The following VPS4B variants were observed in gnomAD, a reference collection of about 807,000 sequenced individuals.
VPS4B encodes vacuolar protein sorting 4 homolog B, also known as vacuolar protein sorting-associated protein 4B.
Under a neutral mutation model 56.1 loss-of-function variants are expected in VPS4B, and 23 were observed. The observed-to-expected ratio is 0.41, with a 90% CI of 0.30 to 0.58. The LOEUF (loss-of-function observed/expected upper bound fraction) is 0.58. Ranked by LOEUF, VPS4B falls within the 20% of genes least tolerant of loss-of-function variation. The pLI, the probability that VPS4B is intolerant of heterozygous loss-of-function variation, is 0.29. For synonymous variants in VPS4B, 177 were observed against 186.0 expected, an observed-to-expected ratio of 0.95 and a Z score of 0.39; for missense variants, 372 against 531.9, an observed-to-expected ratio of 0.70 and a Z score of 2.96.
intron 9 of VPS4B, among the ~76,000 whole-genome samples, chr18:63,393,961 T>C (rs1251770439): frequency 6.6e-6 from 1 of 152,066 alleles, no homozygotes; most frequent in Non-Finnish European, 1.5e-5. Flanking sequence ...ATGGTCTTGA[T>C]CTCCTGACCT....
At chr18:63,394,039 T>G (rs1915615492) in intron 9 of VPS4B, among the ~76,000 whole-genome samples, 1 of 152,114 alleles carries the variant, frequency 6.6e-6, no homozygotes, top group Non-Finnish European at 1.5e-5. Flanking sequence ...ACCCAGCTGC[T>G]TTTAGTTTTT....
intron 5 of VPS4B, among the ~76,000 whole-genome samples, chr18:63,401,020 G>A (rs1407438934): frequency 6.6e-6 from 1 of 152,216 alleles, no homozygotes; most frequent in Non-Finnish European, 1.5e-5. Flanking sequence ...TCTAGTAGGG[G>A]AAAAGAGTTC....
Position 63,390,950 on chromosome 18 carries a change from G to A in VPS4B, c.*25C>T, listed in dbSNP as rs1915535181. Reference sequence around the variant, plus strand: ...TATCTATGAAAGAAAGAATACATATGGTAAGCATCTTCCTTGTCTTTGGCT... The same window carrying A: ...TATCTATGAAAGAAAGAATACATATAGTAAGCATCTTCCTTGTCTTTGGCT... On this transcript the variant is annotated 3_prime_UTR_variant, in exon 11 of 11. Transcript: ENST00000238497. 6.9e-7 allele frequency: 1 copy of A among 1,450,456 alleles called. No homozygotes were observed. The highest frequency in any genetic ancestry group is 1.7e-5 in the Admixed American group (1 of 58,216). The allele number at this position is 1,450,456 out of a possible 1,614,324, so 89.8% of individuals were successfully genotyped here.
chr18:63,421,639 T>A (rs1322194764), intron 1 of VPS4B, among the ~76,000 whole-genome samples: 24 of 152,198 alleles, frequency 1.6e-4, no homozygotes, highest in Admixed American at 9.2e-4. Flanking sequence ...AACACTGTGC[T>A]CATTGCGGTA....
chr18:63,411,599 A>G, intron 1 of VPS4B, 21 bp from the exon 2 acceptor site: 1 of 1,506,152 alleles, frequency 6.6e-7, no homozygotes, highest in Non-Finnish European at 8.9e-7. Context: ...GAGGCAAAAT[A>G]ACAACATTTA....
intron 5 of VPS4B, 22 bp from the exon 6 acceptor site, chr18:63,400,725 A>C (rs375092839): frequency 6.3e-7 from 1 of 1,591,596 alleles, no homozygotes; most frequent in Non-Finnish European, 8.5e-7. Context: ...ATTTAGAAAA[A>C]TGTCATGAGA....
chr18:63,398,224 T>TATATATATATATA (rs200704125), intron 8 of VPS4B, among the ~76,000 whole-genome samples: 1 of 46,752 alleles, frequency 2.1e-5, no homozygotes, highest in African/African-American at 6.4e-5. Flanking sequence ...TATATATATA[T>TATATATATATATA]TTTTTTTTGA....
Position 63,422,267 on chromosome 18 carries a change from T to G in VPS4B, c.-8A>C. ...GGGCGAAGTGGATGACATGGCGGAG[T>G]TCCCAGGCGGTTCCCAAGGGAACGA... On this transcript the variant is annotated 5_prime_UTR_variant, in exon 1 of 11. Coordinates refer to ENST00000238497, the MANE Select transcript of VPS4B (RefSeq NM_004869.4). 1 of 1,504,824 alleles carries G rather than the reference T, an allele frequency of 6.6e-7. No individual in the cohort carries two copies. The highest frequency in any genetic ancestry group is 8.9e-7 in the Non-Finnish European group (1 of 1,124,734). 93.2% of individuals were successfully genotyped at this position (1,504,824 alleles called of 1,614,324 possible). A position where few individuals can be genotyped will look rare whatever the true frequency, so the allele number is the denominator to read the frequency against.
chr18:63,405,427 C>A (rs9944556), intron 4 of VPS4B, among the ~76,000 whole-genome samples: 75,430 of 151,110 alleles, frequency 0.5, 19,297 homozygotes, highest in East Asian at 0.87. Flanking sequence ...AGGAAAAATT[C>A]AAAAAAGATA....
At chr18:63,399,105 A>G in intron 8 of VPS4B, 137 bp downstream of exon 8, 1 of 657,228 alleles carries the variant, frequency 1.5e-6, no homozygotes, top group South Asian at 2.1e-5. Flanking sequence ...CACTCAAGGC[A>G]GGGGAGCAAC....
chr18:63,413,183 T>C (rs1397576873), intron 1 of VPS4B, among the ~76,000 whole-genome samples: 1 of 152,194 alleles, frequency 6.6e-6, no homozygotes. Context: ...AATGTATCAA[T>C]ATCAATATCC....
intron 1 of VPS4B, among the ~76,000 whole-genome samples, chr18:63,412,694 T>C (rs1916070640): frequency 6.6e-6 from 1 of 152,206 alleles, no homozygotes; most frequent in Non-Finnish European, 1.5e-5. Context: ...CTTTGATTCT[T>C]ATTTATTTGT....
chr18:63,400,260 A>C (rs1568085457), intron 6 of VPS4B, 64 bp from the exon 7 acceptor site: 3 of 1,441,186 alleles, frequency 2.1e-6, no homozygotes, highest in Non-Finnish European at 2.8e-6. Context: ...AAAGTAATAT[A>C]TCAATATTAC....
Position 63,391,036 on chromosome 18 carries a change from A to T in VPS4B, c.1274T>A (p.Val425Asp). 6.2e-7 allele frequency: 1 copy of T among 1,613,750 alleles called. No homozygotes were observed. Among genetic ancestry groups the T allele is most frequent in the Non-Finnish European group, 8.5e-7 (1 of 1,179,790 alleles). ...LRSLSNTKPTVNEHDLLKLKK... is the reference protein window; with the variant it reads ...LRSLSNTKPTDNEHDLLKLKK... ...TAATTTCAACAAGTCATGTTCATTG[A>T]CTGTAGGTTTTGTGTTAGATAGTGA... is the stretch of plus-strand genomic sequence containing the variant. The change falls in exon 11 of 11, where the codon GTC becomes GAC. Residue 425 changes from valine (V) to aspartate (D), a missense_variant. By Grantham distance (152) the Val-to-Asp change is radical. Around this residue, in one of 3 missense-constraint regions of VPS4B, gnomAD observed 153 missense variants for 190.9 expected, o/e 0.80. Transcript: ENST00000238497.
chr18:63,407,437 A>G lies in VPS4B; in HGVS notation c.359T>C (p.Leu120Pro). The change falls in exon 4 of 11, where the codon CTT (leucine) becomes CCT (proline). Residue 120 changes from leucine to proline, a missense_variant. This residue lies in a region of VPS4B where 153 missense variants were observed against 190.3 expected (regional missense o/e 0.80). Coordinates refer to ENST00000238497, the MANE Select transcript of VPS4B (RefSeq NM_004869.4). ...DPEKKKLQNQ[L>P]QGAIVIERPN... ...AAAATGAAATCTAAAGCAACCTTGA[A>G]GTTGATTCTGTAGTTTCTTTTTTTC... 2 of 1,607,626 alleles carry G rather than the reference A, an allele frequency of 1.2e-6. No homozygotes were observed. Among genetic ancestry groups the G allele is most frequent in the Non-Finnish European group, 1.7e-6 (2 of 1,177,624 alleles).
At chr18:63,393,335 A>G (rs1915597119) in intron 10 of VPS4B, 74 bp downstream of exon 10, 5 of 1,376,266 alleles carry the variant, frequency 3.6e-6, no homozygotes, top group Non-Finnish European at 9.5e-7. Context: ...ATTTTCCAGC[A>G]AATCTTATAT....
chr18:63,403,145 C>A (rs1473498175), intron 5 of VPS4B, among the ~76,000 whole-genome samples: 1 of 152,192 alleles, frequency 6.6e-6, no homozygotes, highest in African/African-American at 2.4e-5. Flanking sequence ...TTATGCACTT[C>A]CTCTGAAACT....
In VPS4B at chr18:63,415,492, G is replaced by A. The variant is rs1310459157; in HGVS notation, c.28-3914C>T. ...CCCTGATGCTCCTGGCATAAGCTTG[G>A]CAATTTTTCTCTGGTTGATCCCCTG... On this transcript the variant is annotated intron_variant, in intron 1 of 10. Coordinates refer to ENST00000238497, the MANE Select transcript of VPS4B (RefSeq NM_004869.4). 42 of 301,802 alleles carry A rather than the reference G, an allele frequency of 1.4e-4. No homozygotes were observed. The Admixed American group carries it at 1.5e-3, about 11-fold the overall frequency. The allele number at this position is 301,802 out of a possible 1,614,324, so 18.7% of individuals were successfully genotyped here. A position where few individuals can be genotyped will look rare whatever the true frequency, so the allele number is the denominator to read the frequency against.
At chr18:63,397,325 A>AAGTT in intron 8 of VPS4B, 72 bp from the exon 9 acceptor site, 2 of 1,387,130 alleles carry the variant, frequency 1.4e-6, no homozygotes, top group South Asian at 2.8e-5. Flanking sequence ...AACAGATACT[A>AAGTT]AGTTAAGTGG....
Sources: gnomAD v4.1 joint callset for allele counts (sites outside exome capture counted in the v4.1 genomes callset) on GRCh38, gnomAD v4.1.1 for gene constraint, gnomAD v4.1.1 regional missense constraint, MANE v1.5 for transcripts, NCBI Gene and HGNC (gene_info 2026-07-23, HGNC 2026-07-21) for gene names.